Variants in THBS4 observed in about 807,000 individuals in gnomAD.
THBS4 encodes thrombospondin 4, also known as thrombospondin-4.
THBS4 carries 90 observed loss-of-function variants against 115.7 expected under a neutral mutation model. The ratio of observed to expected loss-of-function variants is 0.78; its 90% CI spans 0.66 to 0.93. The LOEUF is 0.93. THBS4 is among the 40% of genes least tolerant of loss of function. The pLI is 0.00. For synonymous variants in THBS4, 460 were observed against 479.3 expected (o/e 0.96, Z 0.53); for missense variants, 1,087 against 1,232.7 (o/e 0.88, Z 1.77).
At chr5:80,064,365 G>A (rs1833739049) in intron 8 of THBS4, among the ~76,000 whole-genome samples, 1 of 152,196 alleles carries the variant, frequency 6.6e-6, no homozygotes, top group Admixed American at 6.5e-5. Flanking sequence ...AAAATTCAGG[G>A]CCAATGGAAT....
intron 1 of THBS4, among the ~76,000 whole-genome samples, chr5:80,037,029 T>C (rs1400553557): frequency 6.6e-6 from 1 of 152,214 alleles, no homozygotes; most frequent in Non-Finnish European, 1.5e-5. Context: ...TTTGAAATGC[T>C]GTAGTCCGTG....
At chr5:80,017,042 G>A (rs995612814) in intron 2 of THBS4, among the ~76,000 whole-genome samples, 4 of 151,988 alleles carry the variant, frequency 2.6e-5, no homozygotes, top group African/African-American at 7.2e-5. Context: ...ATAAAAATCA[G>A]GATCAAGAAA....
rs543315286 is a variant in THBS4, at chr5:80,055,257, G to A, written c.293-528G>A. 5.9e-5 allele frequency among the ~76,000 whole-genome samples: 9 copies of A among 151,996 alleles called. No individual in the cohort carries two copies. In the South Asian group the frequency reaches 1.7e-3, roughly 28 times the overall value. ...GGATGACTTGAGCCTAGGAGGCAGA[G>A]GTTGCAGTGAGCTGAGATCGTCCCA... is the stretch of plus-strand genomic sequence containing the variant. On this transcript the variant is annotated intron_variant, in intron 2 of 21. Transcript: ENST00000350881.
chr5:80,025,796 C>T (rs1832465434), intron 2 of THBS4, among the ~76,000 whole-genome samples: 1 of 152,216 alleles, frequency 6.6e-6, no homozygotes, highest in African/African-American at 2.4e-5. Context: ...CCAAATTCCT[C>T]TACTACATTT....
At chr5:80,030,094 T>A (rs1162906035) in intron 2 of THBS4, among the ~76,000 whole-genome samples, 1 of 152,246 alleles carries the variant, frequency 6.6e-6, no homozygotes, top group Non-Finnish European at 1.5e-5. Flanking sequence ...CTTAAGCACC[T>A]TCCTTTATTA....
intron 2 of THBS4, among the ~76,000 whole-genome samples, chr5:80,000,643 A>G (rs1205604172): frequency 6.6e-6 from 1 of 152,170 alleles, no homozygotes; most frequent in Non-Finnish European, 1.5e-5. Flanking sequence ...ATTTGTTGGT[A>G]TGGATAATTA....
intron 2 of THBS4, among the ~76,000 whole-genome samples, chr5:80,004,720 AC>A (rs1450201380): frequency 5.9e-5 from 9 of 152,144 alleles, no homozygotes; most frequent in African/African-American, 2.2e-4. Context: ...AGAATAAAAA[AC>A]AATTTATTTA....
At chr5:79,991,662 C>T (rs960840892) in intron 1 of THBS4, among the ~76,000 whole-genome samples, 4 of 152,190 alleles carry the variant, frequency 2.6e-5, no homozygotes, top group African/African-American at 7.2e-5. Context: ...TGGCCTCTGC[C>T]TGCCTTTCCA....
At chr5:80,053,988 A>T (rs1833335785) in intron 2 of THBS4, among the ~76,000 whole-genome samples, 1 of 152,134 alleles carries the variant, frequency 6.6e-6, no homozygotes, top group African/African-American at 2.4e-5. Context: ...TATGTTCAGG[A>T]CAATAATGGA....
intron 14 of THBS4, among the ~76,000 whole-genome samples, chr5:80,072,938 C>T (rs923412255): frequency 2.6e-5 from 4 of 152,214 alleles, no homozygotes; most frequent in African/African-American, 9.7e-5. Flanking sequence ...AAAGCAAAAT[C>T]AACCTGCCTT....
chr5:80,014,672 G>A lies in THBS4; in HGVS notation n.177+16245G>A, dbSNP rs185847512. ...TATAGCCCAAGGTACAGACATTTGG[G>A]GTATGAGGAATGTGAAGAAGAGACT... On this transcript the variant is annotated intron_variant and non_coding_transcript_variant, in intron 2 of 3. Transcript: ENST00000510218. 1.6e-3 allele frequency among the ~76,000 whole-genome samples: 244 copies of A among 152,286 alleles called. 1 individual carries two copies. Among genetic ancestry groups the A allele is most frequent in the African/African-American group, 5.5e-3 (228 of 41,536 alleles).
chr5:80,071,427 C>G (rs1209368003), intron 13 of THBS4, among the ~76,000 whole-genome samples: 3 of 152,054 alleles, frequency 2.0e-5, no homozygotes, highest in Admixed American at 6.6e-5. Flanking sequence ...TTGTATGACC[C>G]CTTCAAGCAG....
chr5:80,061,548 A>C, intron 7 of THBS4, 147 bp from the exon 8 acceptor site: 1 of 1,055,134 alleles, frequency 9.5e-7, no homozygotes, highest in Non-Finnish European at 1.3e-6. Flanking sequence ...TCAGTGGGTA[A>C]CTGGAGTTGG....
intron 3 of THBS4, among the ~76,000 whole-genome samples, chr5:80,056,753 A>G (rs1385642390): frequency 6.6e-6 from 1 of 151,850 alleles, no homozygotes; most frequent in African/African-American, 2.4e-5. Flanking sequence ...ATATAAGCCA[A>G]TGTCAAATCA....
In THBS4 at chr5:80,062,150, T is replaced by C. The variant is rs374393026; in HGVS notation, c.1125+318T>C. 5.3e-5 allele frequency among the ~76,000 whole-genome samples: 8 copies of C among 152,338 alleles called. No homozygotes were observed. In the East Asian group the frequency reaches 1.3e-3, roughly 26 times the overall value. On this transcript the variant is annotated intron_variant, in intron 8 of 21. Coordinates refer to ENST00000350881, the MANE Select transcript of THBS4 (RefSeq NM_003248.6). ...TGAGCATTTTGTCCTGCAGAATAAG[T>C]TGAGAACCACGGAGACAAAAGCTTT...
chr5:80,080,554 A>G (rs1448492966), intron 20 of THBS4, among the ~76,000 whole-genome samples: 1 of 140,284 alleles, frequency 7.1e-6, no homozygotes, highest in African/African-American at 2.7e-5. Context: ...CTGGATCACA[A>G]ACTGCATGAG....
chr5:80,079,860 G>A (rs1392413289), intron 19 of THBS4, 45 bp from the exon 20 acceptor site: 1 of 1,586,066 alleles, frequency 6.3e-7, no homozygotes. Flanking sequence ...CAGGAAGGGT[G>A]GTGCCTGTGT....
chr5:80,011,956 C>G (rs1448219322), intron 2 of THBS4, among the ~76,000 whole-genome samples: 2 of 152,016 alleles, frequency 1.3e-5, no homozygotes, highest in East Asian at 3.9e-4. Context: ...AAATGTATCA[C>G]TTTCTGTTAG....
At chr5:79,994,178 T>C (rs1006751632) in intron 1 of THBS4, among the ~76,000 whole-genome samples, 4 of 152,236 alleles carry the variant, frequency 2.6e-5, no homozygotes, top group African/African-American at 9.6e-5. Flanking sequence ...ATAACTTGCT[T>C]TATCTCCATA....
Sources: allele counts gnomAD v4.1 joint callset (sites outside exome capture counted in the v4.1 genomes callset), GRCh38; gene constraint gnomAD v4.1.1; transcripts MANE v1.5; gene names NCBI Gene and HGNC (gene_info 2026-07-23, HGNC 2026-07-21).